The following PEX5L variants were observed in gnomAD, a reference collection of about 807,000 sequenced individuals.
PEX5L encodes the protein PEX5-related protein.
In PEX5L, 30 loss-of-function variants were observed where a neutral mutation model predicts 84.0. The ratio of observed to expected loss-of-function variants is 0.36; its 90% CI spans 0.27 to 0.48. The LOEUF is 0.48. Ranked by LOEUF, PEX5L falls within the 20% of genes least tolerant of loss-of-function variation. The probability of loss-of-function intolerance (pLI) is 0.99; values close to 1 mark genes in which losing one functional copy is unlikely to be tolerated. For synonymous variants in PEX5L, 270 were observed against 283.1 expected (o/e 0.95, Z 0.46); for missense variants, 533 against 754.6 (o/e 0.71, Z 3.44).
Position 179,810,137 on chromosome 3 carries a change from C to G in PEX5L, c.1155-469G>C, listed in dbSNP as rs560597281. On this transcript the variant is annotated intron_variant, in intron 11 of 14. Transcript: ENST00000467460. Reference sequence around the variant, plus strand: ...CAAGCGATTTTCCTGCCTCAGCGTCCGAATAGCTGGGATTACAGATGCCCA... The same window carrying G: ...CAAGCGATTTTCCTGCCTCAGCGTCGGAATAGCTGGGATTACAGATGCCCA... 2.6e-4 allele frequency among the ~76,000 whole-genome samples: 38 copies of G among 147,686 alleles called. No homozygotes were observed. The South Asian group carries it at 8.1e-3, about 32-fold the overall frequency.
At chr3:179,949,026 G>A (rs1014788352) in intron 2 of PEX5L, among the ~76,000 whole-genome samples, 2 of 152,148 alleles carry the variant, frequency 1.3e-5, no homozygotes, top group African/African-American at 4.8e-5. Context: ...TGACGGTGCC[G>A]TTGTGTCTCT....
In PEX5L at chr3:180,036,721, C is replaced by G. The variant is rs1451921779; in HGVS notation, c.-122G>C. 3 of 1,042,334 alleles carry G rather than the reference C, an allele frequency of 2.9e-6. No individual in the cohort carries two copies. Among genetic ancestry groups the G allele is most frequent in the Non-Finnish European group, 3.0e-6 (2 of 666,024 alleles). 64.6% of individuals were successfully genotyped at this position (1,042,334 alleles called of 1,614,324 possible). ...GGGTTCTCAGAGGGTGCTCCTGAGCCCCCTGGAGCTCCGGGTACTCGGCCG... is the reference window on the plus strand; with the variant it reads ...GGGTTCTCAGAGGGTGCTCCTGAGCGCCCTGGAGCTCCGGGTACTCGGCCG... On this transcript the variant is annotated 5_prime_UTR_variant, in exon 1 of 15. Coordinates refer to ENST00000467460, the MANE Select transcript of PEX5L (RefSeq NM_016559.3).
chr3:179,972,831 T>C (rs902740429), intron 1 of PEX5L, among the ~76,000 whole-genome samples: 1 of 152,100 alleles, frequency 6.6e-6, no homozygotes, highest in East Asian at 1.9e-4. Flanking sequence ...TTTTTTACTG[T>C]AATAAAGAGA....
chr3:179,882,956 A>G (rs1754604498), intron 4 of PEX5L, among the ~76,000 whole-genome samples: 1 of 152,128 alleles, frequency 6.6e-6, no homozygotes, highest in Non-Finnish European at 1.5e-5. Flanking sequence ...AAAATTAGCC[A>G]GGAGTGATGG....
At chr3:179,913,834 C>T in intron 2 of PEX5L, among the ~76,000 whole-genome samples, 1 of 151,982 alleles carries the variant, frequency 6.6e-6, no homozygotes, top group South Asian at 2.1e-4. Flanking sequence ...TTAATTAGTA[C>T]CATAGAATTT....
At chr3:179,961,544 C>T (rs781535286) in intron 2 of PEX5L, among the ~76,000 whole-genome samples, 6 of 151,914 alleles carry the variant, frequency 3.9e-5, no homozygotes, top group Admixed American at 6.6e-5. Flanking sequence ...ATGACAAGGT[C>T]GGGGCAATGG....
intron 2 of PEX5L, among the ~76,000 whole-genome samples, chr3:179,954,749 CTT>C (rs35953133): frequency 6.6e-6 from 1 of 151,976 alleles, no homozygotes; most frequent in East Asian, 1.9e-4. Flanking sequence ...CTATGTGACT[CTT>C]TTCGGGTTTC....
At chr3:179,861,813 T>C (rs981137264) in intron 7 of PEX5L, among the ~76,000 whole-genome samples, 2 of 124,684 alleles carry the variant, frequency 1.6e-5, no homozygotes, top group East Asian at 3.1e-4. Context: ...AGCCAATTTA[T>C]ACTCTTTGCA....
chr3:179,936,664 T>C lies in PEX5L; in HGVS notation c.93+34930A>G, dbSNP rs578101139. The stretch of plus-strand genomic sequence containing the variant: ...GCTAGAAGGGCTGGACACAATTATG[T>C]GTAGGTACCCTAGAGACAAGGGACA... On this transcript the variant is annotated intron_variant, in intron 2 of 14. Coordinates refer to ENST00000467460, the MANE Select transcript of PEX5L (RefSeq NM_016559.3). Among the ~76,000 whole-genome samples the C allele has an allele frequency of 1.2e-4, 9 of 72,936 alleles. 3 individuals are homozygous for C. In the South Asian group the frequency reaches 3.9e-3, roughly 32 times the overall value. 47.8% of individuals were successfully genotyped at this position (72,936 alleles called of 152,430 possible).
At chr3:179,810,836 T>G (rs1312323776) in intron 11 of PEX5L, among the ~76,000 whole-genome samples, 1 of 152,150 alleles carries the variant, frequency 6.6e-6, no homozygotes, top group African/African-American at 2.4e-5. Flanking sequence ...TGCTTGGGCA[T>G]TATTTTTCCC....
intron 7 of PEX5L, among the ~76,000 whole-genome samples, chr3:179,868,250 C>T (rs1301616913): frequency 1.3e-5 from 2 of 151,806 alleles, no homozygotes; most frequent in Admixed American, 1.3e-4. Context: ...GCTGTGTCAC[C>T]TGGGGAAAAT....
intron 2 of PEX5L, among the ~76,000 whole-genome samples, chr3:179,941,726 A>C (rs1776138179): frequency 6.6e-6 from 1 of 152,212 alleles, no homozygotes; most frequent in Non-Finnish European, 1.5e-5. Flanking sequence ...TCTCACTTTG[A>C]AAATGAGATT....
At chr3:179,864,695 T>A (rs75173086) in intron 7 of PEX5L, among the ~76,000 whole-genome samples, 1 of 152,122 alleles carries the variant, frequency 6.6e-6, no homozygotes, top group East Asian at 1.9e-4. Context: ...ATTCCCACTA[T>A]AAAAATAAGT....
At chr3:179,888,397 A>C (rs1432564562) in intron 3 of PEX5L, among the ~76,000 whole-genome samples, 1 of 152,170 alleles carries the variant, frequency 6.6e-6, no homozygotes, top group East Asian at 1.9e-4. Context: ...TATCTAGTAC[A>C]TGCGTTTATA....
chr3:179,823,080 G>A (rs1456552721), intron 8 of PEX5L, among the ~76,000 whole-genome samples: 1 of 152,198 alleles, frequency 6.6e-6, no homozygotes, highest in Non-Finnish European at 1.5e-5. Flanking sequence ...AAAAAAGTAA[G>A]TGTTCTTGCT....
intron 4 of PEX5L, 30 bp downstream of exon 4, chr3:179,887,643 T>C: frequency 7.5e-7 from 1 of 1,335,510 alleles, no homozygotes; most frequent in Non-Finnish European, 1.1e-6. Context: ...TTAACTCTAG[T>C]TGAGGAACAG....
At chr3:179,885,137 T>C (rs1755397058) in intron 4 of PEX5L, among the ~76,000 whole-genome samples, 1 of 152,004 alleles carries the variant, frequency 6.6e-6, no homozygotes. Context: ...ATAATGGAGG[T>C]GGGAAAAAAT....
At chr3:179,815,238 G>A (rs1392167632) in intron 10 of PEX5L, among the ~76,000 whole-genome samples, 1 of 152,232 alleles carries the variant, frequency 6.6e-6, no homozygotes, top group African/African-American at 2.4e-5. Context: ...TGTGACACAA[G>A]AGCCAGACAT....
At chr3:179,999,945 A>C (rs1393065394) in intron 1 of PEX5L, among the ~76,000 whole-genome samples, 1 of 152,172 alleles carries the variant, frequency 6.6e-6, no homozygotes. Flanking sequence ...GCCTGGGGCA[A>C]AGTTCTCCAG....
Sources: gnomAD v4.1 joint callset for allele counts (sites outside exome capture counted in the v4.1 genomes callset) on GRCh38, gnomAD v4.1.1 for gene constraint, MANE v1.5 for transcripts, NCBI Gene and HGNC (gene_info 2026-07-23, HGNC 2026-07-21) for gene names.